The following PTP4A2 variants were observed in gnomAD, a reference collection of about 807,000 sequenced individuals.
The protein encoded by PTP4A2 is protein tyrosine phosphatase 4A2, also known as protein tyrosine phosphatase type IVA 2.
Under a neutral mutation model 22.9 loss-of-function variants are expected in PTP4A2, and 2 were observed. The ratio of observed to expected loss-of-function variants is 0.09; its 90% CI spans 0.04 to 0.27. The LOEUF (loss-of-function observed/expected upper bound fraction) is 0.27, where lower values mean the gene tolerates loss of function less well. PTP4A2 is among the 10% of genes least tolerant of loss of function. The pLI, the probability that PTP4A2 is intolerant of heterozygous loss-of-function variation, is 1.00. For missense variants in PTP4A2, 103 were observed against 205.1 expected (o/e 0.50, Z 3.04); for synonymous variants, 68 against 69.1 (o/e 0.98, Z 0.08).
intron 4 of PTP4A2, chr1:31,910,418 T>C (rs550499794): frequency 2.7e-4 from 62 of 226,318 alleles, no homozygotes; most frequent in Non-Finnish European, 4.8e-4. Context: ...GTTCCTCAAA[T>C]AGCTCGGACT....
intron 1 of PTP4A2, among the ~76,000 whole-genome samples, chr1:31,925,928 G>A (rs1271445415): frequency 1.3e-5 from 2 of 151,510 alleles, no homozygotes; most frequent in South Asian, 2.1e-4. Context: ...AGTGGATCAC[G>A]AAGTCAGGAG....
At chr1:31,918,423 G>T (rs2124186619) in intron 2 of PTP4A2, among the ~76,000 whole-genome samples, 1 of 152,228 alleles carries the variant, frequency 6.6e-6, no homozygotes. Flanking sequence ...GTAGTCTGGG[G>T]GTGCCTTTTC....
rs1457974894 is a variant in PTP4A2 at position 31,907,173 on chromosome 1, T to C, written c.*1679A>G. The C allele has an allele frequency of 6.6e-6, 1 of 152,242 alleles. No homozygotes were observed. Among genetic ancestry groups the C allele is most frequent in the African/African-American group, 2.4e-5 (1 of 41,448 alleles). The allele number at this position is 152,242 out of a possible 1,614,324, so 9.4% of individuals were successfully genotyped here. A position where few individuals can be genotyped will look rare whatever the true frequency, so the allele number is the denominator to read the frequency against. On this transcript the variant is annotated 3_prime_UTR_variant, in exon 6 of 6. Transcript: ENST00000647444. ...CCCGGTCTGTTCCTATTGGCCTAGC[T>C]GACGCTAACAAAATGGGAGGCTTAT...
At chr1:31,919,909 C>G (rs1379654922) in intron 1 of PTP4A2, among the ~76,000 whole-genome samples, 1 of 150,490 alleles carries the variant, frequency 6.6e-6, no homozygotes, top group East Asian at 2.0e-4. Context: ...GGCAGATCAC[C>G]TGAGGTCGGG....
At position 31,919,071 on chromosome 1, in the gene PTP4A2, CA is replaced by C; in HGVS notation, c.-7del. ...ACAGGGGCTGGACGGTTCATTATGG[CA>C]AATAAAAAGTGTGAGCGTGCGTGTG... On this transcript the variant is annotated 5_prime_UTR_variant, in exon 2 of 6. Coordinates refer to ENST00000647444, the MANE Select transcript of PTP4A2 (RefSeq NM_080391.4). The C allele has an allele frequency of 2.6e-6, 4 of 1,531,870 alleles. No homozygotes were observed. Among genetic ancestry groups the C allele is most frequent in the Non-Finnish European group, 2.7e-6 (3 of 1,110,922 alleles). The allele number at this position is 1,531,870 out of a possible 1,614,324, so 94.9% of individuals were successfully genotyped here. A position where few individuals can be genotyped will look rare whatever the true frequency, so the allele number is the denominator to read the frequency against.
rs764635358 is a variant in PTP4A2, at chr1:31,911,740, C to T, written c.276G>A (p.Glu92=). Reference sequence around the variant, plus strand: ...AATGCACTGCAACACAGCAACCTGGCTCTTCACGAAATTTGGTTTTTAACA... The same window carrying T: ...AATGCACTGCAACACAGCAACCTGGTTCTTCACGAAATTTGGTTTTTAACA... ...LNLLKTKFRE[E]PGCCVAVHCV... Residue 92 remains glutamate, a synonymous_variant, in exon 4 of 6, where the codon GAG becomes GAA. Transcript: ENST00000647444. 4 of 1,607,144 alleles carry T rather than the reference C, an allele frequency of 2.5e-6. No homozygotes were observed. Among genetic ancestry groups the T allele is most frequent in the Non-Finnish European group, 3.4e-6 (4 of 1,177,666 alleles).
intron 1 of PTP4A2, among the ~76,000 whole-genome samples, chr1:31,924,730 A>G (rs1652368079): frequency 6.6e-6 from 1 of 152,214 alleles, no homozygotes. Context: ...CTCCCTCTCC[A>G]TTTAATTTTA....
At chr1:31,913,125 G>C (rs1651631644) in intron 3 of PTP4A2, 1 of 400,024 alleles carries the variant, frequency 2.5e-6, no homozygotes, top group African/African-American at 2.1e-5. Context: ...ACCTCAAATT[G>C]ATACAGCTAA....
At chr1:31,935,168 T>G (rs1484014574) in intron 1 of PTP4A2, among the ~76,000 whole-genome samples, 1 of 152,124 alleles carries the variant, frequency 6.6e-6, no homozygotes, top group Non-Finnish European at 1.5e-5. Context: ...ATAAATATAC[T>G]CTCCTCTTTT....
At position 31,911,788 on chromosome 1, in the gene PTP4A2, C is replaced by A; in HGVS notation, c.228G>T (p.Gln76His). The A allele has an allele frequency of 1.3e-6, 2 of 1,598,030 alleles. No individual in the cohort carries two copies. The highest frequency in any genetic ancestry group is 1.7e-6 in the Non-Finnish European group (2 of 1,174,400). Residue 76 changes from glutamine to histidine, a missense_variant, in exon 4 of 6, where the codon CAG becomes CAT. By Grantham distance (24) the Gln-to-His change is conservative. Around this residue, in one of 3 missense-constraint regions of PTP4A2, gnomAD observed 66 missense variants for 113.0 expected, o/e 0.58. Transcript: ENST00000647444. ...ACAGGTTTAACCAATCATCTACTAT[C>A]TGATTAGGGGGTGGAGCTCCATCAT... ...PFDDGAPPPN[Q>H]IVDDWLNLLK... is the part of the protein sequence containing the mutation.
chr1:31,934,883 T>A (rs542197036), intron 1 of PTP4A2, among the ~76,000 whole-genome samples: 19 of 152,344 alleles, frequency 1.2e-4, no homozygotes, highest in Admixed American at 6.5e-4. Flanking sequence ...GTGGCCTGAC[T>A]TTTGCTGTTC....
chr1:31,921,865 T>C (rs1353009122), intron 1 of PTP4A2: 1 of 152,178 alleles, frequency 6.6e-6, no homozygotes. Context: ...ATTGTGTAAA[T>C]TGCATACTTG....
In PTP4A2 at chr1:31,908,229, GTT is replaced by G. The variant is rs1234678900; in HGVS notation, c.*621_*622del. ...ATATCACTGCTGTTTTTTTGGTGTTGTTTTTTGTTTTTTTTTTTTTTTTATCT... is the reference window on the plus strand; with the variant it reads ...ATATCACTGCTGTTTTTTTGGTGTTGTTTTGTTTTTTTTTTTTTTTTATCT... On this transcript the variant is annotated 3_prime_UTR_variant, in exon 6 of 6. Transcript: ENST00000647444. 163 of 60,516 alleles carry G rather than the reference GTT, an allele frequency of 2.7e-3. 3 individuals are homozygous for G. Among genetic ancestry groups the G allele is most frequent in the Non-Finnish European group, 4.3e-3 (138 of 32,414 alleles). The allele number at this position is 60,516 out of a possible 1,614,324, so 3.7% of individuals were successfully genotyped here.
At chr1:31,922,836 G>T (rs947593765) in intron 1 of PTP4A2, among the ~76,000 whole-genome samples, 1 of 151,988 alleles carries the variant, frequency 6.6e-6, no homozygotes, top group African/African-American at 2.4e-5. Flanking sequence ...TGCCCAGGCT[G>T]ATCTCGAATT....
intron 1 of PTP4A2, among the ~76,000 whole-genome samples, chr1:31,928,696 CAAAAAAAAAAAAA>C (rs1162186046): frequency 1.7e-5 from 1 of 57,318 alleles, no homozygotes; most frequent in African/African-American, 6.1e-5. Context: ...AACTCTGTCT[CAAAAAAAAAAAAA>C]AAAAAAAAAA....
At chr1:31,917,439 T>TA (rs1406093719) in intron 2 of PTP4A2, among the ~76,000 whole-genome samples, 1 of 152,224 alleles carries the variant, frequency 6.6e-6, no homozygotes, top group Non-Finnish European at 1.5e-5. Flanking sequence ...TCAGGAATTT[T>TA]AAAAATGTTT....
chr1:31,914,253 G>C, intron 3 of PTP4A2: 1 of 455,732 alleles, frequency 2.2e-6, no homozygotes, highest in South Asian at 1.6e-5. Flanking sequence ...TTTTCGGAGA[G>C]ACAGGGTTTC....
At position 31,907,120 on chromosome 1, in the gene PTP4A2, G is replaced by T. The variant is rs1220121840; in HGVS notation, c.*1732C>A. ...GGCAGTTCACATAGCCGGTCAACAT[G>T]TGAGGTATCATCAGTGTGAGACAAG... On this transcript the variant is annotated 3_prime_UTR_variant, in exon 6 of 6. Transcript: ENST00000647444. The T allele has an allele frequency of 6.6e-6, 1 of 152,202 alleles. No homozygotes were observed. The highest frequency in any genetic ancestry group is 6.5e-5 in the Admixed American group (1 of 15,274). 9.4% of individuals were successfully genotyped at this position (152,202 alleles called of 1,614,324 possible). A position where few individuals can be genotyped will look rare whatever the true frequency, so the allele number is the denominator to read the frequency against.
chr1:31,914,438 T>C (rs1363170497), intron 3 of PTP4A2: 3 of 363,938 alleles, frequency 8.2e-6, no homozygotes, highest in Non-Finnish European at 1.7e-5. Flanking sequence ...GAGGAAACTA[T>C]GGATCAGATA....
Sources: allele counts gnomAD v4.1 joint callset (sites outside exome capture counted in the v4.1 genomes callset), GRCh38; gene constraint gnomAD v4.1.1; regional missense constraint gnomAD v4.1.1; transcripts MANE v1.5; gene names NCBI Gene and HGNC (gene_info 2026-07-23, HGNC 2026-07-21).